The following RLIM variants were observed in gnomAD, a reference collection of about 807,000 sequenced individuals.
The protein encoded by RLIM is E3 ubiquitin-protein ligase RLIM.
RLIM carries 2 observed loss-of-function variants against 34.0 expected under a neutral mutation model. The observed-to-expected ratio is 0.06, with a 90% CI of 0.02 to 0.19. RLIM has a LOEUF of 0.19. RLIM is among the 10% of genes least tolerant of loss of function. The pLI is 1.00. For synonymous variants in RLIM, 169 were observed against 164.0 expected (o/e 1.03, Z -0.23); for missense variants, 286 against 479.7 (o/e 0.60, Z 3.77).
At chrX:74,603,024 A>G in intron 1 of RLIM, among the ~76,000 whole-genome samples, 1 of 109,746 alleles carries the variant, frequency 9.1e-6, no homozygotes, top group East Asian at 2.9e-4. Flanking sequence ...GAAGCAAGCA[A>G]ACTTCCTGTC....
At chrX:74,604,414 G>C (rs904941186) in intron 1 of RLIM, among the ~76,000 whole-genome samples, 4 of 111,454 alleles carry the variant, frequency 3.6e-5, no homozygotes, top group Non-Finnish European at 5.7e-5. Context: ...TACCATATTG[G>C]GCAGCACAGC....
intron 1 of RLIM, among the ~76,000 whole-genome samples, chrX:74,604,490 A>AT (rs2079674912): frequency 9.0e-6 from 1 of 111,474 alleles, no homozygotes; most frequent in Non-Finnish European, 1.9e-5. Context: ...TCCCCAATAT[A>AT]TTTTTCATGC....
In RLIM at chrX:74,583,004, T is replaced by C. The variant is rs1450579665; in HGVS notation, c.*8436A>G. 1.3e-5 allele frequency: 8 copies of C among 618,554 alleles called. No homozygotes were observed. The highest frequency in any genetic ancestry group is 2.3e-5 in the African/African-American group (1 of 42,755). 51.0% of individuals were successfully genotyped at this position (618,554 alleles called of 1,213,427 possible). A position where few individuals can be genotyped will look rare whatever the true frequency, so the allele number is the denominator to read the frequency against. Reference sequence around the variant, plus strand: ...AGTTTCCTTCTTTTATATTTTGATATTTTTTTCCATATTTAAGTTTTTCGA... The same window carrying C: ...AGTTTCCTTCTTTTATATTTTGATACTTTTTTCCATATTTAAGTTTTTCGA... On this transcript the variant is annotated 3_prime_UTR_variant, in exon 4 of 4. Coordinates refer to ENST00000332687, the MANE Select transcript of RLIM (RefSeq NM_016120.4).
Position 74,614,581 on chromosome X carries a change from A to G in RLIM, c.-183T>C, listed in dbSNP as rs1340060229. The G allele has an allele frequency of 8.9e-6, 1 of 111,917 alleles. No individual in the cohort carries two copies. The highest frequency in any genetic ancestry group is 1.9e-5 in the Non-Finnish European group (1 of 53,262). The allele number at this position is 111,917 out of a possible 1,213,427, so 9.2% of individuals were successfully genotyped here. A position where few individuals can be genotyped will look rare whatever the true frequency, so the allele number is the denominator to read the frequency against. Reference sequence around the variant, plus strand: ...GCTCGGAGACGTTGCTCAGGCAGCCATTATCTTCCCCATTGTTACCAAGCA... The same window carrying G: ...GCTCGGAGACGTTGCTCAGGCAGCCGTTATCTTCCCCATTGTTACCAAGCA... On this transcript the variant is annotated 5_prime_UTR_variant, in exon 1 of 4. It removes an upstream start codon present in the reference 5' UTR. Transcript: ENST00000332687.
rs765439972 is a variant in RLIM at position 74,590,547 on chromosome X, A to G, written c.*893T>C. 1 of 112,571 alleles carries G rather than the reference A, an allele frequency of 8.9e-6. No individual in the cohort carries two copies. The highest frequency in any genetic ancestry group is 9.5e-5 in the Admixed American group (1 of 10,540). The allele number at this position is 112,571 out of a possible 1,213,427, so 9.3% of individuals were successfully genotyped here. A position where few individuals can be genotyped will look rare whatever the true frequency, so the allele number is the denominator to read the frequency against. Reference sequence around the variant, plus strand: ...CCTTTGCATGTCACAGTAGCTGTTCACACATTAAATATTATAGATATGTTC... The same window carrying G: ...CCTTTGCATGTCACAGTAGCTGTTCGCACATTAAATATTATAGATATGTTC... On this transcript the variant is annotated 3_prime_UTR_variant, in exon 4 of 4. Transcript: ENST00000332687.
rs753032673 is a variant in RLIM, at chrX:74,600,894, C to G, written c.-23-4894G>C. 2.3e-4 allele frequency among the ~76,000 whole-genome samples: 24 copies of G among 105,091 alleles called. 1 individual carries two copies. Among genetic ancestry groups the G allele is most frequent in the South Asian group, 2.2e-3 (5 of 2,302 alleles). 91.3% of individuals were successfully genotyped at this position (105,091 alleles called of 115,157 possible). On this transcript the variant is annotated intron_variant, in intron 1 of 3. Coordinates refer to ENST00000332687, the MANE Select transcript of RLIM (RefSeq NM_016120.4). Reference sequence around the variant, plus strand: ...AAAGAGCTTGGCGTGGTGGCCCATGCGTGTAATCCCAGCTACTTGGGAGGG... The same window carrying G: ...AAAGAGCTTGGCGTGGTGGCCCATGGGTGTAATCCCAGCTACTTGGGAGGG...
chrX:74,593,255 T>C lies in RLIM; in HGVS notation c.254-194A>G, dbSNP rs968993246. On this transcript the variant is annotated intron_variant, in intron 3 of 3. Transcript: ENST00000332687. The stretch of plus-strand genomic sequence containing the variant: ...CTAATTCCATTTGAAAAGAGCAAGC[T>C]ACACTAGAGAAATTTAGAGAATTAT... 4.4e-5 allele frequency among the ~76,000 whole-genome samples: 5 copies of C among 112,653 alleles called. No individual in the cohort carries two copies. In the Admixed American group the frequency reaches 4.7e-4, roughly 11 times the overall value.
At chrX:74,601,907 TA>T (rs1021130942) in intron 1 of RLIM, among the ~76,000 whole-genome samples, 11 of 111,976 alleles carry the variant, frequency 9.8e-5, no homozygotes, top group African/African-American at 3.6e-4. Flanking sequence ...ATGCTGAACC[TA>T]GAATCATACT....
Position 74,588,573 on chromosome X carries a change from A to C in RLIM, c.*2867T>G, listed in dbSNP as rs962770806. On this transcript the variant is annotated 3_prime_UTR_variant, in exon 4 of 4. Transcript: ENST00000332687. ...TTTCAGACTAGAAGTGAGTTTTTAA[A>C]AACATCTGAAATATTCAAGAAAATT... The C allele has an allele frequency of 1.8e-5, 2 of 112,454 alleles. No homozygotes were observed. The highest frequency in any genetic ancestry group is 3.8e-5 in the Non-Finnish European group (2 of 53,311). The allele number at this position is 112,454 out of a possible 1,213,427, so 9.3% of individuals were successfully genotyped here. A position where few individuals can be genotyped will look rare whatever the true frequency, so the allele number is the denominator to read the frequency against.
At chrX:74,608,370 T>C (rs1263156245) in intron 1 of RLIM, among the ~76,000 whole-genome samples, 1 of 108,213 alleles carries the variant, frequency 9.2e-6, no homozygotes, top group Non-Finnish European at 1.9e-5. Flanking sequence ...TTTCACTCAA[T>C]GTACTTCTAT....
chrX:74,609,508 A>AG (rs2079698343), intron 1 of RLIM, among the ~76,000 whole-genome samples: 1 of 103,985 alleles, frequency 9.6e-6, no homozygotes, highest in Admixed American at 1.1e-4. Context: ...AAAAAAAAAA[A>AG]AAAAAAAAAT....
intron 1 of RLIM, among the ~76,000 whole-genome samples, chrX:74,608,287 A>G (rs992695081): frequency 8.9e-6 from 1 of 111,795 alleles, no homozygotes; most frequent in African/African-American, 3.3e-5. Flanking sequence ...TACGATATTA[A>G]GAAATATTAA....
At chrX:74,593,940 A>G (rs762024877) in intron 3 of RLIM, among the ~76,000 whole-genome samples, 358 of 112,685 alleles carry the variant, frequency 3.2e-3, no homozygotes, top group Non-Finnish European at 5.7e-3. Context: ...GGGCAAAATT[A>G]TATCTCATTA....
intron 1 of RLIM, among the ~76,000 whole-genome samples, chrX:74,611,874 G>A (rs1481054049): frequency 8.9e-6 from 1 of 111,962 alleles, no homozygotes; most frequent in African/African-American, 3.3e-5. Context: ...GCTCTGTTGT[G>A]AGAATTATAA....
In RLIM at chrX:74,599,628, T is replaced by G. The variant is rs963155880; in HGVS notation, c.-23-3628A>C. Among the ~76,000 whole-genome samples the G allele has an allele frequency of 4.5e-5, 5 of 111,325 alleles. 1 individual carries two copies. The Admixed American group carries it at 4.8e-4, about 11-fold the overall frequency. On this transcript the variant is annotated intron_variant, in intron 1 of 3. Transcript: ENST00000332687. ...CCTTTGTCCTTTTGCCATGTGAGGT[T>G]AAAGTGAGAAGACAGCTGTCTATGA...
At position 74,589,470 on chromosome X, in the gene RLIM, T is replaced by C. The variant is rs1219477146; in HGVS notation, c.*1970A>G. 1 of 111,784 alleles carries C rather than the reference T, an allele frequency of 8.9e-6. No homozygotes were observed. The highest frequency in any genetic ancestry group is 1.9e-5 in the Non-Finnish European group (1 of 53,136). The allele number at this position is 111,784 out of a possible 1,213,427, so 9.2% of individuals were successfully genotyped here. On this transcript the variant is annotated 3_prime_UTR_variant, in exon 4 of 4. Coordinates refer to ENST00000332687, the MANE Select transcript of RLIM (RefSeq NM_016120.4). ...ATCTGCTTATATTAAAAAAAATAAG[T>C]GAAGCTTTGTTTGGACATTATTTCC...
chrX:74,597,814 G>C (rs1476339627), intron 1 of RLIM, among the ~76,000 whole-genome samples: 1 of 111,668 alleles, frequency 9.0e-6, no homozygotes, highest in Non-Finnish European at 1.9e-5. Context: ...CAGAAATTTT[G>C]TCTTGCTCTA....
intron 1 of RLIM, among the ~76,000 whole-genome samples, chrX:74,601,308 A>AATCT (rs779617386): frequency 8.9e-6 from 1 of 112,295 alleles, no homozygotes; most frequent in South Asian, 3.7e-4. Context: ...TTCTAATGAC[A>AATCT]ATCTTTTGAG....
intron 1 of RLIM, among the ~76,000 whole-genome samples, chrX:74,603,106 G>A (rs1372047239): frequency 9.1e-6 from 1 of 110,252 alleles, no homozygotes; most frequent in Non-Finnish European, 1.9e-5. Flanking sequence ...AGAAGAGACT[G>A]ATTCCAAAAG....
Sources: gnomAD v4.1 joint callset for allele counts (sites outside exome capture counted in the v4.1 genomes callset) on GRCh38, gnomAD v4.1.1 for gene constraint, MANE v1.5 for transcripts, NCBI Gene and HGNC (gene_info 2026-07-23, HGNC 2026-07-21) for gene names.